PKHD1: variants seen among roughly 807,000 people sequenced by gnomAD.
PKHD1 encodes the protein PKHD1 ciliary IPT domain containing fibrocystin/polyductin.
Under a neutral mutation model 412.0 loss-of-function variants are expected in PKHD1, and 291 were observed. The observed-to-expected ratio is 0.71, with a 90% CI of 0.64 to 0.78. The LOEUF (loss-of-function observed/expected upper bound fraction) is 0.78. Among genes scored for constraint, PKHD1 ranks in the 30% least tolerant of loss-of-function variants. The pLI, the probability that PKHD1 is intolerant of heterozygous loss-of-function variation, is 0.00. For missense variants in PKHD1, 4,825 were observed against 4,950.7 expected, an observed-to-expected ratio of 0.97 and a Z score of 0.76; for synonymous variants, 1,777 against 1,821.5, an observed-to-expected ratio of 0.98 and a Z score of 0.62.
At chr6:51,692,650 A>G (rs185379136) in intron 60 of PKHD1, among the ~76,000 whole-genome samples, 1 of 152,310 alleles carries the variant, frequency 6.6e-6, no homozygotes, top group East Asian at 1.9e-4. Flanking sequence ...TAGATGTTCA[A>G]AATTCTTCCC....
At chr6:51,664,985 T>C (rs1057202383) in intron 60 of PKHD1, among the ~76,000 whole-genome samples, 3 of 152,056 alleles carry the variant, frequency 2.0e-5, no homozygotes, top group African/African-American at 4.8e-5. Flanking sequence ...CATCATTCTT[T>C]CCTTTCTACA....
At chr6:52,070,576 T>A (rs1463261812) in intron 9 of PKHD1, 131 bp from the exon 10 acceptor site, 11 of 662,592 alleles carry the variant, frequency 1.7e-5, no homozygotes, top group East Asian at 2.7e-5. Context: ...CTTTAGTGGT[T>A]CCCCCCCGCA....
intron 35 of PKHD1, among the ~76,000 whole-genome samples, chr6:52,001,060 T>A (rs76921589): frequency 0.099 from 15,085 of 152,208 alleles, 882 homozygotes; most frequent in Middle Eastern, 0.22. Flanking sequence ...TTTTATAATA[T>A]CATATTTAAT....
intron 60 of PKHD1, among the ~76,000 whole-genome samples, chr6:51,743,126 A>G (rs888815597): frequency 6.6e-6 from 1 of 152,108 alleles, no homozygotes; most frequent in African/African-American, 2.4e-5. Context: ...TTCATTCTGA[A>G]TGGGTGGAAA....
intron 60 of PKHD1, among the ~76,000 whole-genome samples, chr6:51,672,724 C>T (rs1775204066): frequency 6.6e-6 from 1 of 152,166 alleles, no homozygotes; most frequent in African/African-American, 2.4e-5. Context: ...AAGCATAGCT[C>T]ATTTCAGCTG....
intron 55 of PKHD1, among the ~76,000 whole-genome samples, chr6:51,755,901 C>T (rs1057329348): frequency 7.9e-5 from 12 of 151,290 alleles, no homozygotes; most frequent in Non-Finnish European, 1.6e-4. Context: ...TATTAAAATA[C>T]ATAACTTAAA....
intron 35 of PKHD1, among the ~76,000 whole-genome samples, chr6:52,009,362 G>C (rs905936857): frequency 6.6e-6 from 1 of 152,180 alleles, no homozygotes; most frequent in Non-Finnish European, 1.5e-5. Flanking sequence ...CAGTACAAAA[G>C]TTATAGAAGA....
intron 37 of PKHD1, among the ~76,000 whole-genome samples, chr6:51,930,728 C>T (rs1052966027): frequency 3.9e-5 from 6 of 152,204 alleles, no homozygotes; most frequent in African/African-American, 1.2e-4. Context: ...GGGCCTCATT[C>T]GCTGGGCAGT....
At chr6:51,762,321 T>G (rs1788150998) in intron 55 of PKHD1, among the ~76,000 whole-genome samples, 1 of 152,096 alleles carries the variant, frequency 6.6e-6, no homozygotes, top group Non-Finnish European at 1.5e-5. Flanking sequence ...AAAGATCACA[T>G]GGCTACCCTT....
At chr6:51,927,357 C>T (rs1785817224) in intron 37 of PKHD1, among the ~76,000 whole-genome samples, 1 of 152,084 alleles carries the variant, frequency 6.6e-6, no homozygotes, top group Non-Finnish European at 1.5e-5. Context: ...TATAGGGAAG[C>T]CACAGACAGG....
rs201176305 is a variant in PKHD1, at chr6:51,856,089, GA to G, written c.7734-20del. On this transcript the variant is annotated intron_variant, in intron 48 of 66. Transcript: ENST00000371117. ...ATTCGCTCTAAGGTGATTTTAAAAG[GA>G]AAAAAAATGGGTTGAGAGATTATTT... 6.7e-5 allele frequency: 97 copies of G among 1,447,856 alleles called. No individual in the cohort carries two copies. Among genetic ancestry groups the G allele is most frequent in the Middle Eastern group, 1.7e-4 (1 of 5,768 alleles). 89.7% of individuals were successfully genotyped at this position (1,447,856 alleles called of 1,614,324 possible). A position where few individuals can be genotyped will look rare whatever the true frequency, so the allele number is the denominator to read the frequency against.
chr6:51,628,911 C>T (rs1214806789), intron 65 of PKHD1, among the ~76,000 whole-genome samples: 8 of 152,096 alleles, frequency 5.3e-5, no homozygotes, highest in Admixed American at 2.0e-4. Context: ...AATGAAGCTG[C>T]ACACATACAA....
chr6:51,820,601 T>C (rs1247899996), intron 52 of PKHD1, among the ~76,000 whole-genome samples: 2 of 152,170 alleles, frequency 1.3e-5, no homozygotes, highest in African/African-American at 4.8e-5. Context: ...ATTTTATGTA[T>C]CAAAAAAATT....
At chr6:51,782,152 T>TA (rs1249487008) in intron 53 of PKHD1, among the ~76,000 whole-genome samples, 1 of 152,010 alleles carries the variant, frequency 6.6e-6, no homozygotes, top group African/African-American at 2.4e-5. Context: ...AAGACTGATT[T>TA]AAAAATTATT....
chr6:51,698,189 G>T (rs1779021859), intron 60 of PKHD1, among the ~76,000 whole-genome samples: 2 of 152,116 alleles, frequency 1.3e-5, no homozygotes, highest in South Asian at 4.1e-4. Flanking sequence ...AAAATGTTGA[G>T]GTTCTAGAGG....
chr6:51,981,665 C>A (rs1795329295), intron 35 of PKHD1, among the ~76,000 whole-genome samples: 1 of 140,942 alleles, frequency 7.1e-6, no homozygotes, highest in African/African-American at 2.5e-5. Context: ...TCTCGGCTCG[C>A]TACAGCCTCC....
chr6:51,830,790 TA>T, intron 52 of PKHD1, 70 bp downstream of exon 52: 1 of 1,411,956 alleles, frequency 7.1e-7, no homozygotes, highest in Non-Finnish European at 1.0e-6. Context: ...TTGTACAATA[TA>T]AATGAAACAT....
At chr6:51,944,654 C>G (rs1036346502) in intron 36 of PKHD1, among the ~76,000 whole-genome samples, 1 of 152,168 alleles carries the variant, frequency 6.6e-6, no homozygotes, top group Admixed American at 6.5e-5. Flanking sequence ...CCTTGAAAAC[C>G]CCTAACCTCT....
intron 60 of PKHD1, among the ~76,000 whole-genome samples, chr6:51,678,468 TG>T (rs1776181220): frequency 6.6e-6 from 1 of 152,178 alleles, no homozygotes; most frequent in Admixed American, 6.6e-5. Context: ...TCTAGTATTC[TG>T]GAACAGCACC....
Sources: gnomAD v4.1 joint callset for allele counts (sites outside exome capture counted in the v4.1 genomes callset) on GRCh38, gnomAD v4.1.1 for gene constraint, MANE v1.5 for transcripts, NCBI Gene and HGNC (gene_info 2026-07-23, HGNC 2026-07-21) for gene names.